The following MYBPC1 variants were observed in gnomAD, a reference collection of about 807,000 sequenced individuals.
MYBPC1 encodes the protein myosin-binding protein C, slow-type.
In MYBPC1, 52 loss-of-function variants were observed where a neutral mutation model predicts 147.1. The observed-to-expected ratio is 0.35, with a 90% confidence interval of 0.28 to 0.45. The LOEUF is 0.45. Ranked by LOEUF, MYBPC1 falls within the 20% of genes least tolerant of loss-of-function variation. The pLI is 1.00. For synonymous variants in MYBPC1, 477 were observed against 475.9 expected, an observed-to-expected ratio of 1.00 and a Z score of -0.03; for missense variants, 1,228 against 1,440.3, an observed-to-expected ratio of 0.85 and a Z score of 2.39.
At chr12:101,659,118 A>G (rs1241517758) in intron 18 of MYBPC1, among the ~76,000 whole-genome samples, 2 of 152,252 alleles carry the variant, frequency 1.3e-5, no homozygotes, top group Non-Finnish European at 2.9e-5. Context: ...TGGGAATTAG[A>G]TGTGCATTCT....
Position 101,678,262 on chromosome 12 carries a change from A to C in MYBPC1, c.3246+24A>C, listed in dbSNP as rs78515928. 2,646 of 1,612,836 alleles carry C rather than the reference A, an allele frequency of 1.6e-3. 20 individuals are homozygous for C. The African/African-American group carries it at 0.022, about 13-fold the overall frequency. Reference sequence around the variant, plus strand: ...AGGTACCATGTTCTTCTATCACATCAGTTAAAGTCCCTGTCTTGTATTTGT... The same window carrying C: ...AGGTACCATGTTCTTCTATCACATCCGTTAAAGTCCCTGTCTTGTATTTGT... On this transcript the variant is annotated intron_variant, in intron 28 of 31. Transcript: ENST00000361466.
At chr12:101,598,302 G>T (rs903605224) in intron 1 of MYBPC1, among the ~76,000 whole-genome samples, 6 of 152,154 alleles carry the variant, frequency 3.9e-5, no homozygotes, top group Non-Finnish European at 7.3e-5. Flanking sequence ...TTACAGGCAT[G>T]AGCCACTGTG....
rs756600573 is a variant in MYBPC1, at chr12:101,646,850, C to T, written c.1053C>T (p.Ala351=). The T allele has an allele frequency of 9.3e-6, 15 of 1,613,864 alleles. No individual in the cohort carries two copies. Among genetic ancestry groups the T allele is most frequent in the Admixed American group, 6.7e-5 (4 of 60,002 alleles). The stretch of plus-strand genomic sequence containing the variant: ...ATGATTCAGAGTATTATGTGACAGC[C>T]GGTGATGAGAAATGTTCCACTGAGC... ...MTDDSEYYVT[A]GDEKCSTELF... The change falls in exon 13 of 32, where the codon GCC becomes GCT. Residue 351 remains alanine, a synonymous_variant. Coordinates refer to ENST00000361466, the MANE Select transcript of MYBPC1 (RefSeq NM_002465.4).
At chr12:101,626,133 T>C (rs1366827440) in intron 3 of MYBPC1, among the ~76,000 whole-genome samples, 1 of 150,202 alleles carries the variant, frequency 6.7e-6, no homozygotes, top group Non-Finnish European at 1.5e-5. Context: ...TACTGAAGTT[T>C]TTAGGTCAAT....
At chr12:101,660,365 C>T (rs11110939) in intron 19 of MYBPC1, 38,718 of 175,106 alleles carry the variant, frequency 0.22, 4,688 homozygotes, top group Middle Eastern at 0.33. Flanking sequence ...CAGCCAACAT[C>T]TTGAGTCTTG....
At chr12:101,627,949 A>G (rs570669994) in intron 5 of MYBPC1, 145 bp downstream of exon 5, 7 of 951,390 alleles carry the variant, frequency 7.4e-6, no homozygotes, top group Middle Eastern at 2.6e-4. Context: ...TTCCTCTTAC[A>G]AGAAAACTAA....
At chr12:101,652,189 T>C (rs1363436295) in intron 16 of MYBPC1, among the ~76,000 whole-genome samples, 1 of 152,026 alleles carries the variant, frequency 6.6e-6, no homozygotes, top group Non-Finnish European at 1.5e-5. Context: ...TGTGAGAAAA[T>C]TCTATGTGTA....
Position 101,649,350 on chromosome 12 carries a change from A to C in MYBPC1, c.1287A>C (p.Gly429=). ...EGKKHILIIE[G]ATKADAAEYS... ...AAAAACACATCTTGATCATAGAGGG[A>C]GCAACAAAGGCTGATGCTGCAGAAT... Residue 429 remains glycine, a synonymous_variant, in exon 15 of 32, where the codon GGA becomes GGC. Coordinates refer to ENST00000361466, the MANE Select transcript of MYBPC1 (RefSeq NM_002465.4). The C allele has an allele frequency of 6.2e-7, 1 of 1,614,012 alleles. No individual in the cohort carries two copies. Among genetic ancestry groups the C allele is most frequent in the Non-Finnish European group, 8.5e-7 (1 of 1,179,886 alleles).
chr12:101,627,826 G>A, intron 5 of MYBPC1, 22 bp downstream of exon 5: 1 of 1,609,922 alleles, frequency 6.2e-7, no homozygotes, highest in South Asian at 1.1e-5. Context: ...CCCAGAGAAG[G>A]CATCCTGACC....
intron 9 of MYBPC1, among the ~76,000 whole-genome samples, chr12:101,636,136 C>T (rs1393168244): frequency 6.6e-6 from 1 of 152,000 alleles, no homozygotes; most frequent in Non-Finnish European, 1.5e-5. Context: ...GTGTTAGCTC[C>T]TTTTTTATTT....
In MYBPC1 at chr12:101,653,367, T is replaced by C; in HGVS notation, c.1767+119T>C. 2.3e-6 allele frequency: 3 copies of C among 1,321,772 alleles called. No homozygotes were observed. The Admixed American group carries it at 5.9e-5, about 26-fold the overall frequency. The allele number at this position is 1,321,772 out of a possible 1,614,324, so 81.9% of individuals were successfully genotyped here. A position where few individuals can be genotyped will look rare whatever the true frequency, so the allele number is the denominator to read the frequency against. ...TAGAAAACAAATAAATGTACAGCAG[T>C]ACAGTAAAGATGTAATTCCTTTGAA... On this transcript the variant is annotated intron_variant, in intron 18 of 31. Transcript: ENST00000361466.
intron 18 of MYBPC1, 54 bp downstream of exon 18, chr12:101,653,302 T>A: frequency 6.2e-7 from 1 of 1,600,270 alleles, no homozygotes; most frequent in Non-Finnish European, 8.5e-7. Context: ...GCAGACACAC[T>A]GCCTACCCCA....
At chr12:101,614,644 C>A in intron 2 of MYBPC1, 113 bp downstream of exon 2, 2 of 1,050,222 alleles carry the variant, frequency 1.9e-6, no homozygotes, top group East Asian at 2.6e-5. Flanking sequence ...CTAACTCCTA[C>A]TGAGAAGTTG....
chr12:101,661,760 G>T (rs570729541), intron 20 of MYBPC1, among the ~76,000 whole-genome samples: 1 of 151,570 alleles, frequency 6.6e-6, no homozygotes, highest in Admixed American at 6.6e-5. Flanking sequence ...ATGGTGGTGC[G>T]CACCTGTGGT....
chr12:101,624,120 C>T (rs922113459), intron 3 of MYBPC1, among the ~76,000 whole-genome samples: 39 of 152,094 alleles, frequency 2.6e-4, no homozygotes, highest in African/African-American at 9.4e-4. Context: ...GCATTTAATT[C>T]CAGCCTAGCA....
chr12:101,641,085 C>A (rs1164139633), intron 10 of MYBPC1, among the ~76,000 whole-genome samples: 2 of 143,314 alleles, frequency 1.4e-5, no homozygotes, highest in Non-Finnish European at 3.0e-5. Context: ...TCACTCCAAC[C>A]TGGGCAACAG....
At chr12:101,681,950 A>G (rs750197151) in intron 29 of MYBPC1, among the ~76,000 whole-genome samples, 2 of 151,884 alleles carry the variant, frequency 1.3e-5, no homozygotes, top group African/African-American at 4.8e-5. Context: ...TCTTTCTTTC[A>G]CAATTCATAA....
intron 11 of MYBPC1, among the ~76,000 whole-genome samples, chr12:101,642,979 G>A (rs939164660): frequency 2.6e-5 from 4 of 152,088 alleles, no homozygotes; most frequent in Non-Finnish European, 4.4e-5. Flanking sequence ...AATATGGTTA[G>A]CAAAATGTTT....
downstream of MYBPC1, among the ~76,000 whole-genome samples, chr12:101,687,918 A>T (rs753107008): frequency 6.6e-6 from 1 of 152,208 alleles, no homozygotes; most frequent in Admixed American, 6.5e-5. Flanking sequence ...ACTTTTCTAC[A>T]TATAATCTTT....
Sources: allele counts gnomAD v4.1 joint callset (sites outside exome capture counted in the v4.1 genomes callset), GRCh38; gene constraint gnomAD v4.1.1; transcripts MANE v1.5; gene names NCBI Gene and HGNC (gene_info 2026-07-23, HGNC 2026-07-21).